CCDC7: variants seen among roughly 807,000 people sequenced by gnomAD.
CCDC7 encodes the protein coiled-coil domain-containing protein 7.
A neutral mutation model predicts 196.9 loss-of-function variants in CCDC7; 183 were observed. The ratio of observed to expected loss-of-function variants is 0.93; its 90% CI spans 0.82 to 1.05. CCDC7 has a LOEUF of 1.05. CCDC7 is among the 50% of genes least tolerant of loss of function. The pLI, the probability that CCDC7 is intolerant of heterozygous loss-of-function variation, is 0.00. For missense variants in CCDC7, 1,540 were observed against 1,482.2 expected, an observed-to-expected ratio of 1.04 and a Z score of -0.64; for synonymous variants, 525 against 484.6, an observed-to-expected ratio of 1.08 and a Z score of -1.10.
chr10:32,802,772 C>T (rs986482380), intron 29 of CCDC7, among the ~76,000 whole-genome samples: 8 of 152,008 alleles, frequency 5.3e-5, no homozygotes, highest in African/African-American at 1.9e-4. Flanking sequence ...AGTCCAAAAG[C>T]TGAAGAACTT....
chr10:32,532,621 C>T (rs1054469121), intron 11 of CCDC7, among the ~76,000 whole-genome samples: 1 of 152,134 alleles, frequency 6.6e-6, no homozygotes, highest in Non-Finnish European at 1.5e-5. Context: ...GAGATCTATA[C>T]TTTAGTTAAT....
intron 18 of CCDC7, among the ~76,000 whole-genome samples, chr10:32,614,549 A>C (rs2062567053): frequency 1.3e-5 from 2 of 152,120 alleles, no homozygotes; most frequent in Admixed American, 1.3e-4. Context: ...CAACATGTGC[A>C]TATTTCTTAT....
At chr10:32,477,481 G>A (rs1353520198) in intron 8 of CCDC7, among the ~76,000 whole-genome samples, 4 of 151,904 alleles carry the variant, frequency 2.6e-5, no homozygotes, top group African/African-American at 4.8e-5. Flanking sequence ...GATTACAGGC[G>A]TGAGCCACTG....
upstream of CCDC7, among the ~76,000 whole-genome samples, chr10:32,450,477 A>G (rs111324038): frequency 5.1e-3 from 779 of 152,308 alleles, 6 homozygotes; most frequent in Non-Finnish European, 5.9e-3. Flanking sequence ...GGGACAAGCC[A>G]AAGTGTAGAG....
chr10:32,602,010 C>G (rs948139895), intron 18 of CCDC7, among the ~76,000 whole-genome samples: 15 of 152,130 alleles, frequency 9.9e-5, no homozygotes, highest in Non-Finnish European at 1.8e-4. Flanking sequence ...TGATCGGGTC[C>G]CCTTCCACAC....
intron 8 of CCDC7, among the ~76,000 whole-genome samples, chr10:32,487,682 T>G (rs1320946092): frequency 6.6e-6 from 1 of 152,206 alleles, no homozygotes; most frequent in Non-Finnish European, 1.5e-5. Context: ...GTCCTTTCTG[T>G]TTGTTAATTT....
At chr10:32,741,948 A>G (rs1186886575) in intron 28 of CCDC7, among the ~76,000 whole-genome samples, 1 of 152,066 alleles carries the variant, frequency 6.6e-6, no homozygotes, top group Non-Finnish European at 1.5e-5. Flanking sequence ...ATTTCTAGTT[A>G]GGTTTTTTGC....
chr10:32,753,543 T>C (rs2133550091), intron 28 of CCDC7, among the ~76,000 whole-genome samples: 1 of 152,260 alleles, frequency 6.6e-6, no homozygotes, highest in African/African-American at 2.4e-5. Context: ...TACAGATGGA[T>C]TTCAAACCCG....
chr10:32,475,240 C>G (rs181595773), intron 8 of CCDC7, among the ~76,000 whole-genome samples: 250 of 152,250 alleles, frequency 1.6e-3, no homozygotes, highest in African/African-American at 5.9e-3. Flanking sequence ...CCAGTATGCT[C>G]TGAGTTCCCC....
At chr10:32,667,373 A>T (rs1295891927) in intron 21 of CCDC7, among the ~76,000 whole-genome samples, 1 of 152,114 alleles carries the variant, frequency 6.6e-6, no homozygotes, top group Non-Finnish European at 1.5e-5. Flanking sequence ...CTTCAGTTTA[A>T]TTAGATCCCA....
chr10:32,568,025 T>TG lies in CCDC7; in HGVS notation c.1419+135dup. 2 of 949,462 alleles carry TG rather than the reference T, an allele frequency of 2.1e-6. 1 individual carries two copies. Among genetic ancestry groups the TG allele is most frequent in the East Asian group, 6.0e-5 (2 of 33,100 alleles). 58.8% of individuals were successfully genotyped at this position (949,462 alleles called of 1,614,324 possible). ...TTTTGGGTTTTTTTTTTTTTTTTTT[T>TG]GAGATGGAGTCTTGCTCTGTCGCCA... On this transcript the variant is annotated intron_variant, in intron 15 of 41. Transcript: ENST00000639629.
At chr10:32,683,573 G>A (rs983661587) in intron 21 of CCDC7, among the ~76,000 whole-genome samples, 2 of 152,152 alleles carry the variant, frequency 1.3e-5, no homozygotes, top group African/African-American at 2.4e-5. Flanking sequence ...GAGTAGTATG[G>A]CAATTTTAGC....
chr10:32,553,107 T>C (rs1394857676), intron 13 of CCDC7, among the ~76,000 whole-genome samples: 1 of 140,772 alleles, frequency 7.1e-6, no homozygotes, highest in African/African-American at 3.0e-5. Context: ...TGGAGTCTTT[T>C]TTTTTTTTTT....
chr10:32,518,298 T>C (rs1401677412), intron 10 of CCDC7, 118 bp from the exon 12 acceptor site: 3 of 1,103,546 alleles, frequency 2.7e-6, no homozygotes, highest in Non-Finnish European at 3.7e-6. Context: ...CTGATATCAA[T>C]GTTTCATTCT....
At chr10:32,776,519 A>G (rs866408058) in intron 28 of CCDC7, among the ~76,000 whole-genome samples, 1 of 152,338 alleles carries the variant, frequency 6.6e-6, no homozygotes, top group East Asian at 1.9e-4. Context: ...GGAAACTAGA[A>G]GAATCAATTC....
At chr10:32,811,820 A>T (rs2087194906) in intron 30 of CCDC7, among the ~76,000 whole-genome samples, 1 of 152,154 alleles carries the variant, frequency 6.6e-6, no homozygotes, top group Admixed American at 6.5e-5. Context: ...AAAATCCCCA[A>T]CAAAATGCTA....
At chr10:32,568,005 G>C (rs2057071395) in intron 15 of CCDC7, 114 bp downstream of exon 16, 1 of 706,680 alleles carries the variant, frequency 1.4e-6, no homozygotes, top group East Asian at 4.2e-5. Context: ...TCTGTTTTTG[G>C]GTTTTTTTTT....
chr10:32,637,905 T>C (rs1247164972), intron 20 of CCDC7, among the ~76,000 whole-genome samples: 2 of 152,192 alleles, frequency 1.3e-5, no homozygotes, highest in African/African-American at 2.4e-5. Context: ...TTTTATTTCA[T>C]CGAGCAGTGG....
chr10:32,500,752 G>T (rs928108660), intron 9 of CCDC7, among the ~76,000 whole-genome samples: 1 of 152,228 alleles, frequency 6.6e-6, no homozygotes, highest in Non-Finnish European at 1.5e-5. Flanking sequence ...TCCAGCCTGG[G>T]CAACATTGAG....
Sources: gnomAD v4.1 joint callset for allele counts (sites outside exome capture counted in the v4.1 genomes callset) on GRCh38, gnomAD v4.1.1 for gene constraint, MANE v1.5 for transcripts, NCBI Gene and HGNC (gene_info 2026-07-23, HGNC 2026-07-21) for gene names.